Variants in PDE10A observed in about 807,000 individuals in gnomAD.
PDE10A encodes the protein phosphodiesterase 10A.
In PDE10A, 39 loss-of-function variants were observed where a neutral mutation model predicts 97.7. That is an observed-to-expected ratio of 0.40 (90% CI 0.31 to 0.52). The LOEUF (loss-of-function observed/expected upper bound fraction) is 0.52. Ranked by LOEUF, PDE10A falls within the 20% of genes least tolerant of loss-of-function variation. The pLI is 0.56. For synonymous variants in PDE10A, 371 were observed against 376.8 expected, an observed-to-expected ratio of 0.98 and a Z score of 0.18; for missense variants, 731 against 1,047.8, an observed-to-expected ratio of 0.70 and a Z score of 4.17.
intron 10 of PDE10A, among the ~76,000 whole-genome samples, chr6:165,420,031 T>A (rs1788585201): frequency 6.6e-6 from 1 of 152,186 alleles, no homozygotes; most frequent in Admixed American, 6.5e-5. Flanking sequence ...ACGCAGGGAC[T>A]GAGTATACTG....
intron 5 of PDE10A, among the ~76,000 whole-genome samples, chr6:165,439,592 C>T (rs1790282535): frequency 6.6e-6 from 1 of 152,090 alleles, no homozygotes; most frequent in African/African-American, 2.4e-5. Context: ...CTATCAGAGG[C>T]CAGGAAGTCC....
chr6:165,962,963 C>T (rs1409825901), intron 1 of PDE10A, among the ~76,000 whole-genome samples: 2 of 152,220 alleles, frequency 1.3e-5, no homozygotes, highest in East Asian at 1.9e-4. Context: ...AGCATGCATA[C>T]GTGAGTGCAC....
chr6:165,667,816 T>C (rs2128435171), upstream of PDE10A, among the ~76,000 whole-genome samples: 1 of 152,340 alleles, frequency 6.6e-6, no homozygotes, highest in South Asian at 2.1e-4. Flanking sequence ...AAAGTATTGC[T>C]GAGATTATAT....
At chr6:165,710,663 AT>A (rs1405386179) in intron 1 of PDE10A, among the ~76,000 whole-genome samples, 7 of 152,226 alleles carry the variant, frequency 4.6e-5, no homozygotes, top group Non-Finnish European at 8.8e-5. Context: ...AATAAAAGTC[AT>A]CAGATAAAAA....
intron 1 of PDE10A, among the ~76,000 whole-genome samples, chr6:165,907,738 G>T (rs550863179): frequency 1.1e-4 from 17 of 152,336 alleles, no homozygotes; most frequent in Non-Finnish European, 2.5e-4. Context: ...GCAGCAGTGG[G>T]GAAAGGACCG....
chr6:165,649,592 C>T (rs1157041076), intron 1 of PDE10A, among the ~76,000 whole-genome samples: 3 of 152,138 alleles, frequency 2.0e-5, no homozygotes, highest in African/African-American at 4.8e-5. Flanking sequence ...TATACAGCAG[C>T]TCCCACTCTG....
intron 1 of PDE10A, among the ~76,000 whole-genome samples, chr6:165,577,876 G>A (rs929314246): frequency 5.3e-5 from 8 of 152,172 alleles, no homozygotes; most frequent in African/African-American, 1.7e-4. Flanking sequence ...CCCGAGACCC[G>A]AGTCCAGCAG....
intron 18 of PDE10A, among the ~76,000 whole-genome samples, chr6:165,357,021 T>G (rs1783070862): frequency 6.6e-6 from 1 of 152,194 alleles, no homozygotes; most frequent in South Asian, 2.1e-4. Context: ...TATGATGTGT[T>G]CATACACTTT....
intron 1 of PDE10A, among the ~76,000 whole-genome samples, chr6:165,924,041 C>A (rs1438667045): frequency 1.3e-5 from 2 of 152,174 alleles, no homozygotes; most frequent in Admixed American, 6.5e-5. Context: ...ATAATGACAT[C>A]ACGAAACTTT....
In PDE10A at chr6:165,625,964, T is replaced by C. The variant is rs575516561; in HGVS notation, c.865+35983A>G. On this transcript the variant is annotated intron_variant, in intron 1 of 21. Transcript: ENST00000539869. ...AGTTTGCAGATCAACTTGTGAGTTA[T>C]CAGTTTATAGACAAAGCTGTGGGAC... is the stretch of plus-strand genomic sequence containing the variant. Among the ~76,000 whole-genome samples, 5 of 152,328 alleles carry C rather than the reference T, an allele frequency of 3.3e-5. No individual in the cohort carries two copies. In the South Asian group the frequency reaches 8.3e-4, roughly 25 times the overall value.
At chr6:165,454,541 G>GC (rs1233992625) in intron 3 of PDE10A, among the ~76,000 whole-genome samples, 1 of 152,076 alleles carries the variant, frequency 6.6e-6, no homozygotes, top group African/African-American at 2.4e-5. Context: ...AGTTATCTCA[G>GC]CAGTGGGTTT....
chr6:165,451,187 C>T lies in PDE10A; in HGVS notation c.1024-825G>A, dbSNP rs1583308522. On this transcript the variant is annotated intron_variant, in intron 3 of 21. Transcript: ENST00000539869. ...TAGGCGCTTGCACTGCAGCCACTGT[C>T]CCCACAGCAGCAGCCCCACAGCATG... 3.3e-5 allele frequency among the ~76,000 whole-genome samples: 5 copies of T among 152,242 alleles called. No homozygotes were observed. In the South Asian group the frequency reaches 1.0e-3, roughly 32 times the overall value.
At chr6:165,586,145 C>T (rs766309004) in intron 1 of PDE10A, among the ~76,000 whole-genome samples, 11 of 152,206 alleles carry the variant, frequency 7.2e-5, no homozygotes, top group African/African-American at 9.6e-5. Context: ...CTGCTTCTAA[C>T]AAAGGCCGAA....
intron 3 of PDE10A, among the ~76,000 whole-genome samples, chr6:165,481,615 T>C (rs1194833431): frequency 6.6e-6 from 1 of 152,222 alleles, no homozygotes; most frequent in Admixed American, 6.5e-5. Flanking sequence ...TCTTTATCTG[T>C]GTAATACAGA....
chr6:165,428,734 G>GT, intron 9 of PDE10A, 25 bp from the exon 10 acceptor site: 1 of 952,828 alleles, frequency 1.0e-6, no homozygotes, highest in South Asian at 1.5e-5. Flanking sequence ...CATAAATCCT[G>GT]TAAGTAATTT....
intron 18 of PDE10A, among the ~76,000 whole-genome samples, chr6:165,355,207 C>T (rs1044593648): frequency 2.0e-5 from 3 of 152,004 alleles, no homozygotes; most frequent in Non-Finnish European, 2.9e-5. Flanking sequence ...ATAGATCATA[C>T]TTTTTTTATA....
At chr6:165,395,757 T>C (rs1008249007) in intron 14 of PDE10A, among the ~76,000 whole-genome samples, 6 of 152,162 alleles carry the variant, frequency 3.9e-5, no homozygotes, top group African/African-American at 9.7e-5. Flanking sequence ...GTATAATATA[T>C]ACTATAATTT....
intron 5 of PDE10A, among the ~76,000 whole-genome samples, chr6:165,436,080 C>G (rs1562465519): frequency 6.6e-6 from 1 of 152,086 alleles, no homozygotes; most frequent in African/African-American, 2.4e-5. Flanking sequence ...TTACTTTCTA[C>G]TAAATAAGAA....
intron 3 of PDE10A, among the ~76,000 whole-genome samples, chr6:165,477,713 C>T (rs1381349443): frequency 6.6e-6 from 1 of 151,800 alleles, no homozygotes; most frequent in Admixed American, 6.6e-5. Flanking sequence ...TTTGAGACTT[C>T]GAAACATAGA....
Sources: allele counts gnomAD v4.1 joint callset (sites outside exome capture counted in the v4.1 genomes callset), GRCh38; gene constraint gnomAD v4.1.1; transcripts MANE v1.5; gene names NCBI Gene and HGNC (gene_info 2026-07-23, HGNC 2026-07-21).